The following GALNT13 variants were observed in gnomAD, a reference collection of about 807,000 sequenced individuals.
The protein encoded by GALNT13 is polypeptide N-acetylgalactosaminyltransferase 13, also known as UDP-GalNAc:polypeptide N-acetylgalactosaminyltransferase 13.
In GALNT13, 28 loss-of-function variants were observed where a neutral mutation model predicts 64.2. The ratio of observed to expected loss-of-function variants is 0.44; its 90% CI spans 0.32 to 0.60. The LOEUF (loss-of-function observed/expected upper bound fraction) is 0.60, where lower values mean the gene tolerates loss of function less well. GALNT13 is among the 20% of genes least tolerant of loss of function. The pLI, the probability that GALNT13 is intolerant of heterozygous loss-of-function variation, is 0.05. For missense variants in GALNT13, 577 were observed against 669.8 expected (o/e 0.86, Z 1.53); for synonymous variants, 214 against 224.6 (o/e 0.95, Z 0.42).
intron 9 of GALNT13, among the ~76,000 whole-genome samples, chr2:154,332,409 G>A (rs983720061): frequency 3.3e-5 from 5 of 151,964 alleles, no homozygotes; most frequent in African/African-American, 1.2e-4. Flanking sequence ...AACTGATTCT[G>A]CCCCTTGCTA....
At chr2:154,386,820 A>G (rs1052268761) in intron 9 of GALNT13, among the ~76,000 whole-genome samples, 1 of 152,082 alleles carries the variant, frequency 6.6e-6, no homozygotes, top group Admixed American at 6.6e-5. Flanking sequence ...TGGACCAAGC[A>G]TTTGAATATG....
intron 10 of GALNT13, among the ~76,000 whole-genome samples, chr2:154,403,916 A>T (rs565238013): frequency 1.3e-5 from 2 of 152,214 alleles, no homozygotes; most frequent in Admixed American, 1.3e-4. Flanking sequence ...AAATTAGTTA[A>T]CCTCTCTGTA....
At chr2:154,057,360 T>C (rs769610908) in intron 3 of GALNT13, among the ~76,000 whole-genome samples, 2 of 152,150 alleles carry the variant, frequency 1.3e-5, no homozygotes, top group Non-Finnish European at 1.5e-5. Flanking sequence ...AATTTTAGAT[T>C]GGCAATATGA....
the GALNT13 span, among the ~76,000 whole-genome samples, chr2:153,281,291 C>G: frequency 2.0e-5 from 3 of 149,326 alleles, no homozygotes; most frequent in African/African-American, 7.4e-5. Flanking sequence ...AGATGAGTCT[C>G]TTAAAGATAG....
At chr2:154,188,521 T>C (rs1559013779) in intron 4 of GALNT13, among the ~76,000 whole-genome samples, 1 of 152,188 alleles carries the variant, frequency 6.6e-6, no homozygotes, top group Admixed American at 6.5e-5. Flanking sequence ...AAAAAGATGC[T>C]ATGATTGTGA....
chr2:154,449,450 A>C (rs1701767335), intron 12 of GALNT13, among the ~76,000 whole-genome samples: 1 of 138,468 alleles, frequency 7.2e-6, no homozygotes, highest in East Asian at 2.4e-4. Context: ...AAAAAAAAAA[A>C]ATTTCTTTGC....
At chr2:153,631,324 C>T in the GALNT13 span, among the ~76,000 whole-genome samples, 2 of 152,094 alleles carry the variant, frequency 1.3e-5, no homozygotes, top group Non-Finnish European at 2.9e-5. Flanking sequence ...GGGTATATAC[C>T]CAGTAATGGG....
chr2:153,708,826 C>T, the GALNT13 span, among the ~76,000 whole-genome samples: 1 of 151,920 alleles, frequency 6.6e-6, no homozygotes, highest in Non-Finnish European at 1.5e-5. Context: ...TAATAGAGAA[C>T]CCAGAAATAA....
At chr2:153,942,639 GA>G (rs1169258293) in intron 2 of GALNT13, among the ~76,000 whole-genome samples, 3 of 150,514 alleles carry the variant, frequency 2.0e-5, no homozygotes, top group Admixed American at 1.3e-4. Context: ...TTTTTTCTAA[GA>G]AAAAAAACCC....
rs145404677 is a variant in GALNT13, at chr2:154,072,491, T to G, written c.143-67846T>G. 3.8e-3 allele frequency among the ~76,000 whole-genome samples: 582 copies of G among 152,216 alleles called. 2 individuals are homozygous for G. The highest frequency in any genetic ancestry group is 0.013 in the African/African-American group (557 of 41,550). ...GCATCTTACTCTCTTTTCATTATAG[T>G]GTATATAAGATTTGGCTCAAAACAT... On this transcript the variant is annotated intron_variant, in intron 3 of 12. Transcript: ENST00000392825.
At chr2:153,443,110 G>A in the GALNT13 span, among the ~76,000 whole-genome samples, 1 of 152,168 alleles carries the variant, frequency 6.6e-6, no homozygotes, top group Non-Finnish European at 1.5e-5. Flanking sequence ...AAAAACTCTT[G>A]CATCTAGCTC....
the GALNT13 span, among the ~76,000 whole-genome samples, chr2:153,721,098 C>A: frequency 1.3e-5 from 2 of 148,396 alleles, no homozygotes; most frequent in Non-Finnish European, 3.0e-5. Flanking sequence ...GCCCATCAGA[C>A]TAACAGCGGA....
At chr2:153,614,759 A>G in the GALNT13 span, among the ~76,000 whole-genome samples, 32 of 152,266 alleles carry the variant, frequency 2.1e-4, no homozygotes, top group East Asian at 5.8e-3. Flanking sequence ...TATTGTGGGT[A>G]CATAGTAGAT....
chr2:153,932,653 G>A (rs1427472811), intron 2 of GALNT13, among the ~76,000 whole-genome samples: 3 of 114,386 alleles, frequency 2.6e-5, no homozygotes, highest in Non-Finnish European at 5.0e-5. Context: ...TTGAGATGGA[G>A]TCTCGCTCTT....
At chr2:153,512,678 C>T in the GALNT13 span, among the ~76,000 whole-genome samples, 3 of 151,944 alleles carry the variant, frequency 2.0e-5, no homozygotes, top group African/African-American at 7.3e-5. Context: ...GGATAACACC[C>T]GGCACATATT....
At chr2:153,141,378 G>T in the GALNT13 span, among the ~76,000 whole-genome samples, 3 of 151,974 alleles carry the variant, frequency 2.0e-5, no homozygotes, top group Admixed American at 1.3e-4. Flanking sequence ...CAGAGATAAG[G>T]GTGGGCTAGG....
At chr2:154,239,823 G>A (rs1689385678) in intron 4 of GALNT13, among the ~76,000 whole-genome samples, 1 of 152,134 alleles carries the variant, frequency 6.6e-6, no homozygotes. Context: ...TATTGGGTAG[G>A]TGATCTTTTA....
the GALNT13 span, among the ~76,000 whole-genome samples, chr2:153,171,757 A>T: frequency 2.0e-5 from 3 of 152,170 alleles, no homozygotes; most frequent in African/African-American, 7.2e-5. Context: ...AAAAACCTAA[A>T]ATGGCCTTAT....
the GALNT13 span, among the ~76,000 whole-genome samples, chr2:153,131,633 C>T: frequency 6.6e-6 from 1 of 152,148 alleles, no homozygotes. Context: ...TCTAGGTAAG[C>T]TCTTGGGAAT....
Sources: gnomAD v4.1 joint callset for allele counts (sites outside exome capture counted in the v4.1 genomes callset) on GRCh38, gnomAD v4.1.1 for gene constraint, MANE v1.5 for transcripts, NCBI Gene and HGNC (gene_info 2026-07-23, HGNC 2026-07-21) for gene names.